The following GBF1 variants were observed in gnomAD, a reference collection of about 807,000 sequenced individuals.
GBF1 encodes golgi brefeldin A resistant guanine nucleotide exchange factor 1, also known as Golgi-specific brefeldin A-resistance guanine nucleotide exchange factor 1.
A neutral mutation model predicts 210.5 loss-of-function variants in GBF1; 114 were observed. That is an observed-to-expected ratio of 0.54 (90% CI 0.47 to 0.63). The LOEUF (loss-of-function observed/expected upper bound fraction) is 0.63, where lower values mean the gene tolerates loss of function less well. Among genes scored for constraint, GBF1 ranks in the 30% least tolerant of loss-of-function variants. The pLI is 0.00. For missense variants in GBF1, 1,851 were observed against 2,357.7 expected (o/e 0.79, Z 4.45); for synonymous variants, 850 against 889.2 (o/e 0.96, Z 0.78).
intron 3 of GBF1, among the ~76,000 whole-genome samples, chr10:102,260,468 C>A (rs893844077): frequency 2.6e-4 from 21 of 81,170 alleles, no homozygotes; most frequent in Admixed American, 2.0e-3. Context: ...CCTATATTTT[C>A]CTTTCTTCTT....
At chr10:102,373,535 A>G (rs1045874643) in intron 29 of GBF1, among the ~76,000 whole-genome samples, 4 of 152,202 alleles carry the variant, frequency 2.6e-5, no homozygotes, top group Admixed American at 6.5e-5. Flanking sequence ...GTGCCACTGC[A>G]CTCCTGCCTG....
Position 102,376,265 on chromosome 10 carries a change from A to G in GBF1, c.3887-7A>G, listed in dbSNP as rs1201467735. The G allele has an allele frequency of 1.6e-5, 26 of 1,612,932 alleles. No homozygotes were observed. The highest frequency in any genetic ancestry group is 2.0e-5 in the Non-Finnish European group (24 of 1,179,114). On this transcript the variant is annotated splice_polypyrimidine_tract_variant and splice_region_variant and intron_variant, in intron 30 of 39. Transcript: ENST00000369983. ...CCTGACTCTGCCCTTCTCCCTGCCT[A>G]CCATAGGGGCCCAGTCAGATAGTGA... is the stretch of plus-strand genomic sequence containing the variant.
At chr10:102,326,179 C>A (rs1405720115) in intron 3 of GBF1, among the ~76,000 whole-genome samples, 1 of 152,120 alleles carries the variant, frequency 6.6e-6, no homozygotes, top group African/African-American at 2.4e-5. Context: ...TGCTCAGGGC[C>A]TAGTATGCAA....
chr10:102,296,056 C>A (rs1262234574), intron 3 of GBF1, among the ~76,000 whole-genome samples: 2 of 152,100 alleles, frequency 1.3e-5, no homozygotes, highest in Non-Finnish European at 2.9e-5. Flanking sequence ...CAATATAATA[C>A]TAAGCAAAAC....
Position 102,348,444 on chromosome 10 carries a change from T to TC in GBF1, c.296-2808dup, listed in dbSNP as rs528848807. Among the ~76,000 whole-genome samples, 38 of 152,278 alleles carry TC rather than the reference T, an allele frequency of 2.5e-4. 1 individual carries two copies. Among genetic ancestry groups the TC allele is most frequent in the African/African-American group, 8.4e-4 (35 of 41,564 alleles). On this transcript the variant is annotated intron_variant, in intron 4 of 39. Coordinates refer to ENST00000369983, the MANE Select transcript of GBF1 (RefSeq NM_001377137.1). The stretch of plus-strand genomic sequence containing the variant: ...TTACTGAAAGAGAGGAAGAAATGGA[T>TC]CCCCAGGAGCCTTGTGAGATGGGAA...
In GBF1 at chr10:102,367,229, C is replaced by A. The variant is rs747867060; in HGVS notation, c.2559+19C>A. 4 of 1,612,520 alleles carry A rather than the reference C, an allele frequency of 2.5e-6. No individual in the cohort carries two copies. The highest frequency in any genetic ancestry group is 3.4e-6 in the Non-Finnish European group (4 of 1,179,086). Reference sequence around the variant, plus strand: ...CCTGGAGGTAAGCTTGGGTCCCAGTCAAGGCAAAGAAGACCCAGCACAGCT... The same window carrying A: ...CCTGGAGGTAAGCTTGGGTCCCAGTAAAGGCAAAGAAGACCCAGCACAGCT... On this transcript the variant is annotated intron_variant, in intron 20 of 39. Transcript: ENST00000369983.
At chr10:102,326,152 G>C (rs973762297) in intron 3 of GBF1, among the ~76,000 whole-genome samples, 1 of 152,110 alleles carries the variant, frequency 6.6e-6, no homozygotes, top group Non-Finnish European at 1.5e-5. Flanking sequence ...TTTTTTGAAC[G>C]CTATCTGAGT....
At chr10:102,323,122 T>G (rs936136192) in intron 3 of GBF1, among the ~76,000 whole-genome samples, 20 of 151,352 alleles carry the variant, frequency 1.3e-4, no homozygotes, top group Non-Finnish European at 2.4e-4. Context: ...TTTGGATGTC[T>G]GGTACCATGT....
At chr10:102,291,667 T>C (rs1796766) in intron 3 of GBF1, among the ~76,000 whole-genome samples, 151,708 of 152,276 alleles carry the variant, frequency 1, 75,577 homozygotes, top group Middle Eastern at 1. Flanking sequence ...ACTTGATATT[T>C]GGCTTCCTAA....
intron 3 of GBF1, among the ~76,000 whole-genome samples, chr10:102,274,380 G>T (rs1180875975): frequency 1.3e-5 from 2 of 151,928 alleles, no homozygotes; most frequent in South Asian, 4.2e-4. Context: ...TGGAAATTCT[G>T]TGCATGGCAG....
intron 29 of GBF1, among the ~76,000 whole-genome samples, chr10:102,372,678 A>G (rs2060277803): frequency 1.3e-5 from 2 of 152,232 alleles, no homozygotes; most frequent in Admixed American, 6.5e-5. Flanking sequence ...TGGAGGAGGA[A>G]TAGCCTTTTC....
chr10:102,382,085 G>T lies in GBF1; in HGVS notation c.5332G>T (p.Ala1778Ser). Residue 1778 changes from alanine to serine, a missense_variant, in exon 40 of 40, where the codon GCC (alanine) becomes TCC (serine). Ala to Ser is a moderately conservative substitution (Grantham distance 99). Around this residue, in one of 3 missense-constraint regions of GBF1, gnomAD observed 967 missense variants for 1,247.7 expected, o/e 0.78. Transcript: ENST00000369983. ...TGAGAAGCCCGAGAGCCCCCGAGCC[G>T]CCAGCAGCAGCTCCCCAGGATCACC... ...DFEKPESPRAASSSSPGSPVA... is the reference protein window; with the variant it reads ...DFEKPESPRASSSSSPGSPVA... The T allele has an allele frequency of 6.4e-7, 1 of 1,564,806 alleles. No homozygotes were observed. Among genetic ancestry groups the T allele is most frequent in the African/African-American group, 1.4e-5 (1 of 73,394 alleles).
chr10:102,329,192 A>G (rs1217354435), intron 3 of GBF1, among the ~76,000 whole-genome samples: 1 of 152,174 alleles, frequency 6.6e-6, no homozygotes, highest in African/African-American at 2.4e-5. Flanking sequence ...TACGCATCAA[A>G]CTTGTGCTTT....
rs115896121 is a variant in GBF1 at position 102,339,085 on chromosome 10, G to A, written c.164-4966G>A. On this transcript the variant is annotated intron_variant, in intron 3 of 39. Coordinates refer to ENST00000369983, the MANE Select transcript of GBF1 (RefSeq NM_001377137.1). The stretch of plus-strand genomic sequence containing the variant: ...CTGTTATTAAGACTTAGTATAAGCC[G>A]GGCATGGTGGCTCACGCCTATAATC... Among the ~76,000 whole-genome samples the A allele has an allele frequency of 9.1e-3, 1,390 of 152,166 alleles. 18 individuals are homozygous for A. Among genetic ancestry groups the A allele is most frequent in the African/African-American group, 0.032 (1,313 of 41,542 alleles).
intron 3 of GBF1, among the ~76,000 whole-genome samples, chr10:102,343,133 C>G (rs929979643): frequency 6.6e-6 from 1 of 152,190 alleles, no homozygotes; most frequent in African/African-American, 2.4e-5. Context: ...ACAGTGGTTA[C>G]GAACTTCCAA....
At chr10:102,380,047 C>T in intron 36 of GBF1, 93 bp downstream of exon 36, 1 of 862,464 alleles carries the variant, frequency 1.2e-6, no homozygotes. Context: ...TAGAGATGCA[C>T]TGTAGGTGCT....
At chr10:102,378,463 A>T (rs1469041770) in intron 33 of GBF1, among the ~76,000 whole-genome samples, 1 of 151,066 alleles carries the variant, frequency 6.6e-6, no homozygotes, top group Admixed American at 6.6e-5. Context: ...CCTCTACAAA[A>T]ATAAAAATGC....
chr10:102,270,557 C>G lies in GBF1; in HGVS notation c.163+10441C>G, dbSNP rs747668938. 2.0e-5 allele frequency among the ~76,000 whole-genome samples: 3 copies of G among 152,148 alleles called. No individual in the cohort carries two copies. In the South Asian group the frequency reaches 6.2e-4, roughly 31 times the overall value. The stretch of plus-strand genomic sequence containing the variant: ...AGAGTCAAAATTACTAACATTTAGG[C>G]ATATTTGCTTTATCCGTATATGTGT... On this transcript the variant is annotated intron_variant, in intron 3 of 39. Coordinates refer to ENST00000369983, the MANE Select transcript of GBF1 (RefSeq NM_001377137.1).
At chr10:102,270,437 T>C (rs114177354) in intron 3 of GBF1, among the ~76,000 whole-genome samples, 1,861 of 152,284 alleles carry the variant, frequency 0.012, 32 homozygotes, top group African/African-American at 0.043. Context: ...TGTGAGCCAC[T>C]GTGCCCGGAC....
Sources: gnomAD v4.1 joint callset for allele counts (sites outside exome capture counted in the v4.1 genomes callset) on GRCh38, gnomAD v4.1.1 for gene constraint, gnomAD v4.1.1 regional missense constraint, MANE v1.5 for transcripts, NCBI Gene and HGNC (gene_info 2026-07-23, HGNC 2026-07-21) for gene names.